The following EPHB1 variants were observed in gnomAD, a reference collection of about 807,000 sequenced individuals.
EPHB1 encodes the protein EPH receptor B1.
A neutral mutation model predicts 94.4 loss-of-function variants in EPHB1; 30 were observed. That is an observed-to-expected ratio of 0.32 (90% CI 0.24 to 0.43). The LOEUF is 0.43. Ranked by LOEUF, EPHB1 falls within the 20% of genes least tolerant of loss-of-function variation. EPHB1 has a pLI of 1.00. For synonymous variants in EPHB1, 522 were observed against 489.1 expected, an observed-to-expected ratio of 1.07 and a Z score of -0.89; for missense variants, 1,055 against 1,308.3, an observed-to-expected ratio of 0.81 and a Z score of 2.99.
At chr3:134,867,153 C>T (rs924430078) in intron 1 of EPHB1, among the ~76,000 whole-genome samples, 1 of 152,164 alleles carries the variant, frequency 6.6e-6, no homozygotes, top group Non-Finnish European at 1.5e-5. Flanking sequence ...GTAGGCCAAT[C>T]CCTCTTGTGG....
chr3:135,058,542 C>T (rs118096638), intron 3 of EPHB1, among the ~76,000 whole-genome samples: 1 of 152,226 alleles, frequency 6.6e-6, no homozygotes, highest in African/African-American at 2.4e-5. Flanking sequence ...CCACATAAAC[C>T]TCTTGGGTAC....
chr3:135,022,769 G>A (rs1936028074), intron 3 of EPHB1, among the ~76,000 whole-genome samples: 1 of 152,146 alleles, frequency 6.6e-6, no homozygotes, highest in South Asian at 2.1e-4. Flanking sequence ...TAACAATAAT[G>A]TAGAGAACTT....
At chr3:135,245,805 CAAAAAAAAAAAAA>C (rs34702210) in intron 13 of EPHB1, among the ~76,000 whole-genome samples, 1 of 26,780 alleles carries the variant, frequency 3.7e-5, no homozygotes, top group African/African-American at 1.3e-4. Flanking sequence ...GACACCATCT[CAAAAAAAAAAAAA>C]AAAAAAAAAA....
chr3:135,041,740 A>G (rs1271143852), intron 3 of EPHB1, among the ~76,000 whole-genome samples: 1 of 152,142 alleles, frequency 6.6e-6, no homozygotes, highest in African/African-American at 2.4e-5. Flanking sequence ...CAGACTGTGT[A>G]ATTTATAATA....
chr3:134,943,961 T>C (rs1332419643), intron 2 of EPHB1, among the ~76,000 whole-genome samples: 1 of 152,228 alleles, frequency 6.6e-6, no homozygotes. Flanking sequence ...AGGTATTATT[T>C]ACCTGCAATA....
intron 3 of EPHB1, among the ~76,000 whole-genome samples, chr3:134,994,475 C>T (rs1434678995): frequency 6.6e-6 from 1 of 152,216 alleles, no homozygotes; most frequent in Non-Finnish European, 1.5e-5. Context: ...TACTTCCAGA[C>T]TCCTCAAGTC....
chr3:134,833,347 T>G (rs1052076910), intron 1 of EPHB1, among the ~76,000 whole-genome samples: 2 of 152,202 alleles, frequency 1.3e-5, no homozygotes, highest in African/African-American at 4.8e-5. Context: ...TGAACTCATG[T>G]TCTTGTCATT....
chr3:134,955,083 T>TTTTTTTTTTTTTTTTTG, intron 3 of EPHB1, among the ~76,000 whole-genome samples: 1 of 32,066 alleles, frequency 3.1e-5, no homozygotes, highest in African/African-American at 2.3e-4. Context: ...TTTTTTTTTT[T>TTTTTTTTTTTTTTTTTG]TTTTTTTTTT....
At chr3:135,110,447 C>T (rs1013812563) in intron 4 of EPHB1, among the ~76,000 whole-genome samples, 16 of 152,166 alleles carry the variant, frequency 1.1e-4, no homozygotes, top group African/African-American at 3.4e-4. Context: ...CACTGAGAGG[C>T]AGGGAAGCTT....
chr3:135,079,727 G>T (rs1306047076), intron 3 of EPHB1, among the ~76,000 whole-genome samples: 1 of 152,052 alleles, frequency 6.6e-6, no homozygotes, highest in Non-Finnish European at 1.5e-5. Flanking sequence ...GTGAGTGTGT[G>T]GTTGTATGTA....
intron 4 of EPHB1, among the ~76,000 whole-genome samples, chr3:135,112,155 C>T (rs949333240): frequency 2.6e-5 from 4 of 152,148 alleles, no homozygotes; most frequent in Admixed American, 2.6e-4. Context: ...GACTGATGGG[C>T]ACCATTTGCC....
chr3:135,206,208 T>C (rs1042871101), intron 12 of EPHB1, among the ~76,000 whole-genome samples: 4 of 152,222 alleles, frequency 2.6e-5, no homozygotes, highest in African/African-American at 9.6e-5. Context: ...AGGAGTTTGT[T>C]CCTTTTATTG....
intron 3 of EPHB1, among the ~76,000 whole-genome samples, chr3:135,073,750 A>G (rs1392408640): frequency 6.6e-6 from 1 of 151,868 alleles, no homozygotes; most frequent in African/African-American, 2.4e-5. Flanking sequence ...AGTCTCTTTT[A>G]ATCTATAGTT....
intron 1 of EPHB1, among the ~76,000 whole-genome samples, chr3:134,850,268 A>G (rs2036954009): frequency 1.3e-5 from 2 of 152,202 alleles, no homozygotes; most frequent in South Asian, 4.1e-4. Context: ...AGCAGCTTTA[A>G]AGCTCCTTCC....
rs2107704837 is a variant in EPHB1, at chr3:135,179,901, G to A, written c.1801G>A (p.Glu601Lys). ...GATCTACATTGACCCCTTCACTTAC[G>A]AGGATCCCAACGAAGCTGTCCGGGA... ...MKIYIDPFTY[E>K]DPNEAVREFA... Residue 601 changes from glutamate to lysine, a missense_variant, in exon 10 of 16, where the codon GAG becomes AAG. By Grantham distance (56) the Glu-to-Lys change is moderately conservative. Coordinates refer to ENST00000398015, the MANE Select transcript of EPHB1 (RefSeq NM_004441.5). 3 of 1,613,938 alleles carry A rather than the reference G, an allele frequency of 1.9e-6. No homozygotes were observed. The highest frequency in any genetic ancestry group is 1.1e-5 in the South Asian group (1 of 91,084).
At chr3:134,930,849 T>C (rs190245977) in intron 2 of EPHB1, among the ~76,000 whole-genome samples, 169 of 152,268 alleles carry the variant, frequency 1.1e-3, no homozygotes, top group African/African-American at 4.0e-3. Context: ...CTGTGGGGCT[T>C]TGTACCAACC....
chr3:135,010,000 C>T (rs976410902), intron 3 of EPHB1, among the ~76,000 whole-genome samples: 6 of 152,274 alleles, frequency 3.9e-5, no homozygotes, highest in African/African-American at 1.4e-4. Flanking sequence ...TGGTGCTGCA[C>T]AGCTATCCCT....
chr3:135,048,267 T>TC (rs1559808920), intron 3 of EPHB1, among the ~76,000 whole-genome samples: 1 of 132,114 alleles, frequency 7.6e-6, no homozygotes, highest in Non-Finnish European at 1.6e-5. Context: ...TTCTTTTTTT[T>TC]TTTTTTTTTT....
intron 3 of EPHB1, among the ~76,000 whole-genome samples, chr3:134,991,669 A>C (rs1934805524): frequency 6.6e-6 from 1 of 151,818 alleles, no homozygotes; most frequent in African/African-American, 2.4e-5. Context: ...CTGGCTGAGC[A>C]CCCCTACTGA....
Sources: gnomAD v4.1 joint callset for allele counts (sites outside exome capture counted in the v4.1 genomes callset) on GRCh38, gnomAD v4.1.1 for gene constraint, MANE v1.5 for transcripts, NCBI Gene and HGNC (gene_info 2026-07-23, HGNC 2026-07-21) for gene names.